Variants in CHRNG observed in about 807,000 individuals in gnomAD.
CHRNG encodes the protein acetylcholine receptor subunit gamma.
Under a neutral mutation model 65.2 loss-of-function variants are expected in CHRNG, and 72 were observed. The observed-to-expected ratio is 1.10, with a 90% confidence interval of 0.91 to 1.34. The LOEUF is 1.34. CHRNG is among the 40% of genes most tolerant of loss of function. The probability of loss-of-function intolerance (pLI) is 0.00; values close to 1 mark genes in which losing one functional copy is unlikely to be tolerated. For missense variants in CHRNG, 637 were observed against 680.1 expected (o/e 0.94, Z 0.70); for synonymous variants, 284 against 290.2 (o/e 0.98, Z 0.22).
rs1201436693 is a variant in CHRNG at position 232,547,617 on chromosome 2, G to C, written c.*1901G>C. On this transcript the variant is annotated 3_prime_UTR_variant, in exon 12 of 12. Coordinates refer to ENST00000651502, the MANE Select transcript of CHRNG (RefSeq NM_005199.5). ...GAGTCTGTGTCTGTGCATGCACAGT[G>C]TGTTTGAAGCAAGAGCAGAGTCAGA... is the stretch of plus-strand genomic sequence containing the variant. Among the ~76,000 whole-genome samples the C allele has an allele frequency of 6.6e-6, 1 of 152,222 alleles. No homozygotes were observed. The highest frequency in any genetic ancestry group is 1.5e-5 in the Non-Finnish European group (1 of 68,042).
Position 232,546,628 on chromosome 2 carries a change from T to TA in CHRNG, c.*913dup, listed in dbSNP as rs1692139349. Among the ~76,000 whole-genome samples, 1 of 152,150 alleles carries TA rather than the reference T, an allele frequency of 6.6e-6. No individual in the cohort carries two copies. The highest frequency in any genetic ancestry group is 1.9e-4 in the East Asian group (1 of 5,188). Reference sequence around the variant, plus strand: ...TTGGGATTACAGGCATAAGCCACTGTACCTGGCCTCCTTTTTAATTAAGAG... The same window carrying TA: ...TTGGGATTACAGGCATAAGCCACTGTAACCTGGCCTCCTTTTTAATTAAGAG... On this transcript the variant is annotated 3_prime_UTR_variant, in exon 12 of 12. Coordinates refer to ENST00000651502, the MANE Select transcript of CHRNG (RefSeq NM_005199.5).
chr2:232,545,862 C>G lies in CHRNG; in HGVS notation c.*146C>G. ...GTGAGCCAAACAGCCCTGAGAAAAG[C>G]TGGGGAAACAGTCTGAGCTGGAGTC... On this transcript the variant is annotated 3_prime_UTR_variant, in exon 12 of 12. Coordinates refer to ENST00000651502, the MANE Select transcript of CHRNG (RefSeq NM_005199.5). The G allele has an allele frequency of 1.1e-6, 1 of 938,948 alleles. No individual in the cohort carries two copies. Among genetic ancestry groups the G allele is most frequent in the Non-Finnish European group, 1.7e-6 (1 of 597,802 alleles). The allele number at this position is 938,948 out of a possible 1,614,324, so 58.2% of individuals were successfully genotyped here.
At position 232,547,238 on chromosome 2, in the gene CHRNG, G is replaced by A. The variant is rs1692148599; in HGVS notation, c.*1522G>A. On this transcript the variant is annotated 3_prime_UTR_variant, in exon 12 of 12. Coordinates refer to ENST00000651502, the MANE Select transcript of CHRNG (RefSeq NM_005199.5). ...AGGAACCCAGCCTGGGCAACATGGG[G>A]ACACCCGGCCTCTACCAAAAAATAC... 1.3e-5 allele frequency among the ~76,000 whole-genome samples: 2 copies of A among 152,058 alleles called. No homozygotes were observed. Among genetic ancestry groups the A allele is most frequent in the Non-Finnish European group, 2.9e-5 (2 of 68,016 alleles).
intron 6 of CHRNG, 83 bp downstream of exon 6, chr2:232,542,603 C>G (rs1692040631): frequency 5.4e-6 from 5 of 922,296 alleles, no homozygotes; most frequent in Non-Finnish European, 8.9e-6. Context: ...GGACCAAGGT[C>G]AAATCCCTCC....
rs1559302725 is a variant in CHRNG at position 232,540,447 on chromosome 2, CTCCT to C, written c.240+26_240+29del. ...GATGGTAAGAGGCCACCCTGCCACC[CTCCT>C]TCCATCAGGGGTCCCACCCCACCAC... On this transcript the variant is annotated intron_variant, in intron 3 of 11. Coordinates refer to ENST00000651502, the MANE Select transcript of CHRNG (RefSeq NM_005199.5). This position sits in a 1 kb window ranked among gnomAD's most constrained non-coding sequence, Gnocchi z 4.2. 6.2e-7 allele frequency: 1 copy of C among 1,613,218 alleles called. No homozygotes were observed. The highest frequency in any genetic ancestry group is 1.7e-5 in the Admixed American group (1 of 60,014).
chr2:232,542,333 C>T (rs1277080736), intron 5 of CHRNG, 90 bp from the exon 6 acceptor site: 1 of 825,544 alleles, frequency 1.2e-6, no homozygotes, highest in Non-Finnish European at 2.1e-6. Context: ...TGAAGAAAAG[C>T]TGCCCACACT....
chr2:232,543,140 G>A lies in CHRNG; in HGVS notation c.805+58G>A, dbSNP rs535129324. On this transcript the variant is annotated intron_variant, in intron 7 of 11. Transcript: ENST00000651502. ...TAGCACAGGGGACACCTGGGAGGCC[G>A]GGGTGGGCCCTGCCTGGGGAACAGA... is the stretch of plus-strand genomic sequence containing the variant. 1.4e-4 allele frequency: 217 copies of A among 1,574,068 alleles called. 2 individuals are homozygous for A. The East Asian group carries it at 4.4e-3, about 32-fold the overall frequency.
chr2:232,544,599 G>A lies in CHRNG; in HGVS notation c.1249+19G>A. The A allele has an allele frequency of 6.2e-7, 1 of 1,604,664 alleles. No homozygotes were observed. The highest frequency in any genetic ancestry group is 8.5e-7 in the Non-Finnish European group (1 of 1,172,604). On this transcript the variant is annotated intron_variant, in intron 10 of 11. Transcript: ENST00000651502. ...AAGCTAGGTGAGACACACCAGGTGT[G>A]CCTGGGGACAGTCCTCCCCTGGGAC...
intron 9 of CHRNG, 58 bp from the exon 10 acceptor site, chr2:232,544,309 C>G: frequency 7.4e-7 from 1 of 1,347,924 alleles, no homozygotes; most frequent in Non-Finnish European, 1.1e-6. Flanking sequence ...TCACGCCAAC[C>G]TCTGGCTTCT....
rs1692131893 is a variant in CHRNG at position 232,546,227 on chromosome 2, TCAA to T, written c.*514_*516del. ...TCTGGGTACAATAAGCACCCAATTCTCAACAGCCCCAGTGGCCTTTCCATTCAT... is the reference window on the plus strand; with the variant it reads ...TCTGGGTACAATAAGCACCCAATTCTCAGCCCCAGTGGCCTTTCCATTCAT... On this transcript the variant is annotated 3_prime_UTR_variant, in exon 12 of 12. Coordinates refer to ENST00000651502, the MANE Select transcript of CHRNG (RefSeq NM_005199.5). The T allele has an allele frequency of 5.8e-6, 1 of 171,174 alleles. No homozygotes were observed. The highest frequency in any genetic ancestry group is 2.4e-5 in the African/African-American group (1 of 41,878). 10.6% of individuals were successfully genotyped at this position (171,174 alleles called of 1,614,324 possible). A position where few individuals can be genotyped will look rare whatever the true frequency, so the allele number is the denominator to read the frequency against.
rs1376636671 is a variant in CHRNG, at chr2:232,540,047, C to T, written c.111C>T (p.Tyr37=). Residue 37 remains tyrosine (Y), a synonymous_variant, in exon 2 of 12, where the codon TAC becomes TAT. Transcript: ENST00000651502. The surrounding 1 kb of genome is among the most constrained non-coding windows in gnomAD (Gnocchi z 4.2). ...ERLLADLMQN[Y]DPNLRPAERD... The stretch of plus-strand genomic sequence containing the variant: ...TGCTCGCAGACCTGATGCAAAACTA[C>T]GACCCCAACCTGCGGCCCGCGGAAC... 11 of 1,614,220 alleles carry T rather than the reference C, an allele frequency of 6.8e-6. No homozygotes were observed. Among genetic ancestry groups the T allele is most frequent in the South Asian group, 4.4e-5 (4 of 91,088 alleles).
intron 11 of CHRNG, among the ~76,000 whole-genome samples, chr2:232,545,152 C>T (rs1488022590): frequency 5.3e-5 from 8 of 151,746 alleles, no homozygotes; most frequent in African/African-American, 1.9e-4. Flanking sequence ...CCAAAAATAC[C>T]AAAAATTAGC....
chr2:232,540,470 C>G lies in CHRNG; in HGVS notation c.240+45C>G. On this transcript the variant is annotated intron_variant, in intron 3 of 11. Coordinates refer to ENST00000651502, the MANE Select transcript of CHRNG (RefSeq NM_005199.5). This position sits in a 1 kb window ranked among gnomAD's most constrained non-coding sequence, Gnocchi z 4.2. The stretch of plus-strand genomic sequence containing the variant: ...CCCTCCTTCCATCAGGGGTCCCACC[C>G]CACCACCCCAAGGCCTCCTGAGAGT... The G allele has an allele frequency of 6.2e-7, 1 of 1,610,320 alleles. No homozygotes were observed. Among genetic ancestry groups the G allele is most frequent in the Non-Finnish European group, 8.5e-7 (1 of 1,178,514 alleles).
At position 232,544,888 on chromosome 2, in the gene CHRNG, A is replaced by C. The variant is rs1018474384; in HGVS notation, c.1366A>C (p.Ser456Arg). 6.2e-7 allele frequency: 1 copy of C among 1,613,988 alleles called. No homozygotes were observed. The highest frequency in any genetic ancestry group is 8.5e-7 in the Non-Finnish European group (1 of 1,180,006). The change falls in exon 11 of 12, where the codon AGT becomes CGT. Residue 456 changes from serine (S) to arginine (R), a missense_variant. Ser to Arg is a moderately radical substitution (Grantham distance 110, BLOSUM62 -1). Coordinates refer to ENST00000651502, the MANE Select transcript of CHRNG (RefSeq NM_005199.5). Reference sequence around the variant, plus strand: ...CATTGCCTGTGCCCGGCACCAGCAGAGTCACTTTGACAATGTAAGCTGAGT... The same window carrying C: ...CATTGCCTGTGCCCGGCACCAGCAGCGTCACTTTGACAATGTAAGCTGAGT... ...NLIACARHQQ[S>R]HFDNGNEEWF...
In CHRNG at chr2:232,539,692, G is replaced by T; in HGVS notation, c.-56G>T. 6.4e-7 allele frequency: 1 copy of T among 1,568,628 alleles called. No homozygotes were observed. On this transcript the variant is annotated 5_prime_UTR_variant, in exon 1 of 12. Transcript: ENST00000651502. The stretch of plus-strand genomic sequence containing the variant: ...TGACACCCAGAGCCCATCTCTCTCT[G>T]CCCCAGACCTTGGAGCTGTTGTCCC...
At position 232,544,364 on chromosome 2, in the gene CHRNG, T is replaced by C; in HGVS notation, c.1036-3T>C. The stretch of plus-strand genomic sequence containing the variant: ...TGCCCTAGTGAAGCCACCCCCTCTC[T>C]AGGTGTTCCTGAGGCTCTTGCCCCA... On this transcript the variant is annotated splice_region_variant and splice_polypyrimidine_tract_variant and intron_variant, in intron 9 of 11. Coordinates refer to ENST00000651502, the MANE Select transcript of CHRNG (RefSeq NM_005199.5). 1 of 1,612,420 alleles carries C rather than the reference T, an allele frequency of 6.2e-7. No homozygotes were observed.
chr2:232,543,938 A>G (rs1483617270), intron 9 of CHRNG, among the ~76,000 whole-genome samples: 2 of 152,268 alleles, frequency 1.3e-5, no homozygotes, highest in Non-Finnish European at 2.9e-5. Flanking sequence ...CTCCAATTAC[A>G]GATGAGGACG....
At position 232,543,282 on chromosome 2, in the gene CHRNG, C is replaced by A. The variant is rs200595788; in HGVS notation, c.813C>A (p.Gly271=). Residue 271 remains glycine, a synonymous_variant, in exon 8 of 12, where the codon GGC becomes GGA. Transcript: ENST00000651502. ...LIHFLPAKAG[G]QKCTVAINVL... is the part of the protein sequence containing the mutation. ...CCTCTCGGTCATGGATAGCTGGGGG[C>A]CAGAAGTGTACCGTCGCCATCAACG... is the stretch of plus-strand genomic sequence containing the variant. 17 of 1,613,666 alleles carry A rather than the reference C, an allele frequency of 1.1e-5. No homozygotes were observed. The Admixed American group carries it at 2.0e-4, about 19-fold the overall frequency.
rs1692155647 is a variant in CHRNG, at chr2:232,547,625, A to C, written c.*1909A>C. On this transcript the variant is annotated 3_prime_UTR_variant, in exon 12 of 12. Transcript: ENST00000651502. The stretch of plus-strand genomic sequence containing the variant: ...GTCTGTGCATGCACAGTGTGTTTGA[A>C]GCAAGAGCAGAGTCAGAGCTATAGA... 6.6e-6 allele frequency among the ~76,000 whole-genome samples: 1 copy of C among 152,164 alleles called. No individual in the cohort carries two copies. Among genetic ancestry groups the C allele is most frequent in the Non-Finnish European group, 1.5e-5 (1 of 68,028 alleles).
Sources: allele counts gnomAD v4.1 joint callset (sites outside exome capture counted in the v4.1 genomes callset), GRCh38; gene constraint gnomAD v4.1.1; non-coding constraint Gnocchi (gnomAD v3.1); transcripts MANE v1.5; gene names NCBI Gene and HGNC (gene_info 2026-07-23, HGNC 2026-07-21).